The following ADCY5 variants were observed in gnomAD, a reference collection of about 807,000 sequenced individuals.
ADCY5 encodes adenylate cyclase type 5.
Under a neutral mutation model 119.7 loss-of-function variants are expected in ADCY5, and 30 were observed. The ratio of observed to expected loss-of-function variants is 0.25; its 90% CI spans 0.19 to 0.34. The LOEUF (loss-of-function observed/expected upper bound fraction) is 0.34. Among genes scored for constraint, ADCY5 ranks in the 10% least tolerant of loss-of-function variants. ADCY5 has a pLI of 1.00. For synonymous variants in ADCY5, 753 were observed against 762.2 expected (o/e 0.99, Z 0.20); for missense variants, 1,324 against 1,775.2 (o/e 0.75, Z 4.57).
At chr3:123,344,714 A>G (rs1397903371) in intron 3 of ADCY5, among the ~76,000 whole-genome samples, 1 of 152,032 alleles carries the variant, frequency 6.6e-6, no homozygotes, top group East Asian at 1.9e-4. Context: ...CCCATCTCCT[A>G]CTTAACCACC....
Position 123,317,310 on chromosome 3 carries a change from G to A in ADCY5, c.2354+710C>T, listed in dbSNP as rs181013439. 6.1e-5 allele frequency among the ~76,000 whole-genome samples: 9 copies of A among 148,260 alleles called. No individual in the cohort carries two copies. The East Asian group carries it at 1.8e-3, about 29-fold the overall frequency. ...ATTCTTAGAAATATCCACAGTAGTA[G>A]AAAACCTGCATCTTTTGAAGATTTT... On this transcript the variant is annotated intron_variant, in intron 11 of 20. Transcript: ENST00000462833.
At chr3:123,376,917 C>T (rs62265767) in intron 1 of ADCY5, among the ~76,000 whole-genome samples, 27,189 of 152,182 alleles carry the variant, frequency 0.18, 2,812 homozygotes, top group Middle Eastern at 0.25. Flanking sequence ...CTCCTGTCAT[C>T]CCCTGGGGGA....
In ADCY5 at chr3:123,328,733, G is replaced by A. The variant is rs374468564; in HGVS notation, c.1716C>T (p.Cys572=). The A allele has an allele frequency of 1.2e-4, 199 of 1,614,234 alleles. 2 individuals are homozygous for A. The South Asian group carries it at 1.5e-3, about 12-fold the overall frequency. ...GCCACTTCCTGAGACCAAGGACACC[G>A]CAGTGTACTCGCCCGCTGTGAATTC... ...RVGIHSGRVH[C]GVLGLRKWQF... The change falls in exon 6 of 21, where the codon TGC becomes TGT. Residue 572 remains cysteine, a synonymous_variant. Transcript: ENST00000462833.
intron 1 of ADCY5, among the ~76,000 whole-genome samples, chr3:123,432,925 C>T (rs1356028200): frequency 6.6e-6 from 1 of 152,124 alleles, no homozygotes; most frequent in African/African-American, 2.4e-5. Context: ...CCCAGAGGGA[C>T]CCCTTCCTGC....
chr3:123,407,052 C>G (rs1944920333), intron 1 of ADCY5, among the ~76,000 whole-genome samples: 1 of 152,206 alleles, frequency 6.6e-6, no homozygotes, highest in Non-Finnish European at 1.5e-5. Flanking sequence ...TCAGCCACCA[C>G]ATTTCCCTGA....
intron 1 of ADCY5, among the ~76,000 whole-genome samples, chr3:123,403,058 G>A (rs1944814446): frequency 6.6e-6 from 1 of 151,992 alleles, no homozygotes; most frequent in African/African-American, 2.4e-5. Context: ...TCTGTCCTCT[G>A]CATCTTGCAA....
Position 123,286,885 on chromosome 3 carries a change from G to T in ADCY5, c.3533-76C>A. 2 of 1,506,426 alleles carry T rather than the reference G, an allele frequency of 1.3e-6. No individual in the cohort carries two copies. Among genetic ancestry groups the T allele is most frequent in the South Asian group, 1.3e-5 (1 of 74,774 alleles). 93.3% of individuals were successfully genotyped at this position (1,506,426 alleles called of 1,614,324 possible). On this transcript the variant is annotated intron_variant, in intron 19 of 20. Coordinates refer to ENST00000462833, the MANE Select transcript of ADCY5 (RefSeq NM_183357.3). The surrounding 1 kb of genome is among the most constrained non-coding windows in gnomAD (Gnocchi z 4.2). Reference sequence around the variant, plus strand: ...GCCACCATCTGTCTCCCCACATGCTGCAGGTCCTTCTGACTCCCAACCTGA... The same window carrying T: ...GCCACCATCTGTCTCCCCACATGCTTCAGGTCCTTCTGACTCCCAACCTGA...
intron 1 of ADCY5, among the ~76,000 whole-genome samples, chr3:123,414,587 G>A (rs752897569): frequency 1.3e-5 from 2 of 152,030 alleles, no homozygotes; most frequent in Non-Finnish European, 2.9e-5. Context: ...GACAAAGTCT[G>A]GCTGTGTCGC....
At chr3:123,327,918 C>G (rs1243071514) in intron 6 of ADCY5, among the ~76,000 whole-genome samples, 159 bp from the exon 7 acceptor site, 1 of 152,342 alleles carries the variant, frequency 6.6e-6, no homozygotes, top group South Asian at 2.1e-4. Flanking sequence ...GCATGGTACC[C>G]TCCATTACTA....
intron 1 of ADCY5, among the ~76,000 whole-genome samples, chr3:123,431,486 A>T (rs577751311): frequency 4.6e-5 from 7 of 152,158 alleles, no homozygotes; most frequent in Admixed American, 2.6e-4. Context: ...GAGCTAATAG[A>T]GTTAATATTT....
At chr3:123,446,457 G>A (rs1945816846) in intron 1 of ADCY5, among the ~76,000 whole-genome samples, 1 of 152,154 alleles carries the variant, frequency 6.6e-6, no homozygotes, top group Non-Finnish European at 1.5e-5. Flanking sequence ...AAACAAGCAG[G>A]TTCAGAAGCA....
chr3:123,377,248 C>A (rs571424726), intron 1 of ADCY5, among the ~76,000 whole-genome samples: 7 of 152,300 alleles, frequency 4.6e-5, no homozygotes, highest in African/African-American at 1.7e-4. Flanking sequence ...TCTCCGGGCT[C>A]GAGTCATCTG....
At chr3:123,311,811 G>A (rs1230718188) in intron 12 of ADCY5, among the ~76,000 whole-genome samples, 3 of 152,162 alleles carry the variant, frequency 2.0e-5, no homozygotes, top group African/African-American at 7.2e-5. Flanking sequence ...TGTTTGTGTG[G>A]CCTGGGGGTA....
At chr3:123,441,252 C>T (rs1442980965) in intron 1 of ADCY5, among the ~76,000 whole-genome samples, 1 of 152,186 alleles carries the variant, frequency 6.6e-6, no homozygotes, top group Non-Finnish European at 1.5e-5. Context: ...GAAGTTGTAC[C>T]TTCCCAGTGC....
At position 123,286,095 on chromosome 3, in the gene ADCY5, A is replaced by T. The variant is rs1182268591; in HGVS notation, c.3657+590T>A. Among the ~76,000 whole-genome samples, 1 of 152,232 alleles carries T rather than the reference A, an allele frequency of 6.6e-6. No individual in the cohort carries two copies. Among genetic ancestry groups the T allele is most frequent in the Non-Finnish European group, 1.5e-5 (1 of 68,030 alleles). On this transcript the variant is annotated intron_variant, in intron 20 of 20. Transcript: ENST00000462833. This position sits in a 1 kb window ranked among gnomAD's most constrained non-coding sequence, Gnocchi z 4.2. ...TACTGCCCAGGGCGGTGCCTCTGCC[A>T]TCAGACTGCAGCAGAGAATCAAGGA...
rs899367992 is a variant in ADCY5 at position 123,448,259 on chromosome 3, C to G, written c.287G>C (p.Ser96Thr). 9.3e-6 allele frequency: 14 copies of G among 1,504,550 alleles called. No individual in the cohort carries two copies. Among genetic ancestry groups the G allele is most frequent in the African/African-American group, 1.4e-5 (1 of 69,680 alleles). 93.2% of individuals were successfully genotyped at this position (1,504,550 alleles called of 1,614,324 possible). Residue 96 changes from serine to threonine, a missense_variant, in exon 1 of 21, where the codon AGC (serine) becomes ACC (threonine). Ser to Thr is a moderately conservative substitution (Grantham distance 58). Around this residue, in one of 6 missense-constraint regions of ADCY5, gnomAD observed 585 missense variants for 569.9 expected, o/e 1.03. Coordinates refer to ENST00000462833, the MANE Select transcript of ADCY5 (RefSeq NM_183357.3). ...DDPLAGGFGF[S>T]FRSKSAWQER... Reference sequence around the variant, plus strand: ...CTGCCAGGCGGACTTGGAGCGGAAGCTGAAGCCGAAGCCCCCGGCCAGGGG... The same window carrying G: ...CTGCCAGGCGGACTTGGAGCGGAAGGTGAAGCCGAAGCCCCCGGCCAGGGG...
At chr3:123,325,261 G>T in intron 8 of ADCY5, 61 bp downstream of exon 8, 1 of 1,588,614 alleles carries the variant, frequency 6.3e-7, no homozygotes, top group Non-Finnish European at 8.6e-7. Context: ...CGGGCCTCAT[G>T]CCCACAGAAG....
chr3:123,444,010 A>C (rs1484805348), intron 1 of ADCY5, among the ~76,000 whole-genome samples: 2 of 152,190 alleles, frequency 1.3e-5, no homozygotes, highest in Non-Finnish European at 2.9e-5. Flanking sequence ...ATAGCTAAGC[A>C]TATGTAATAG....
At position 123,325,530 on chromosome 3, in the gene ADCY5, A is replaced by G; in HGVS notation, c.1948-68T>C. ...GCGGAGGGCTCCTCACCCTTCCCCA[A>G]ACATCGTACCTGGCCAGGTAAGGGG... On this transcript the variant is annotated intron_variant, in intron 7 of 20. Coordinates refer to ENST00000462833, the MANE Select transcript of ADCY5 (RefSeq NM_183357.3). 3.8e-6 allele frequency: 6 copies of G among 1,595,756 alleles called. No individual in the cohort carries two copies. In the South Asian group the frequency reaches 5.5e-5, roughly 15 times the overall value.
Sources: allele counts gnomAD v4.1 joint callset (sites outside exome capture counted in the v4.1 genomes callset), GRCh38; gene constraint gnomAD v4.1.1; regional missense constraint gnomAD v4.1.1; non-coding constraint Gnocchi (gnomAD v3.1); transcripts MANE v1.5; gene names NCBI Gene and HGNC (gene_info 2026-07-23, HGNC 2026-07-21).